The following ADK variants were observed in gnomAD, a reference collection of about 807,000 sequenced individuals.
ADK encodes adenosine kinase.
ADK carries 24 observed loss-of-function variants against 44.7 expected under a neutral mutation model. That is an observed-to-expected ratio of 0.54 (90% CI 0.39 to 0.76). The LOEUF (loss-of-function observed/expected upper bound fraction) is 0.76. ADK is among the 30% of genes least tolerant of loss of function. ADK has a pLI of 0.00. For missense variants in ADK, 321 were observed against 425.1 expected, an observed-to-expected ratio of 0.76 and a Z score of 2.15; for synonymous variants, 128 against 142.6, an observed-to-expected ratio of 0.90 and a Z score of 0.73.
intron 1 of ADK, among the ~76,000 whole-genome samples, chr10:74,167,292 C>T (rs1842059767): frequency 6.6e-6 from 1 of 152,176 alleles, no homozygotes; most frequent in Admixed American, 6.5e-5. Flanking sequence ...CAGGCGTGAG[C>T]CACTGTGTCT....
chr10:74,559,127 G>C (rs1589247491), intron 7 of ADK, among the ~76,000 whole-genome samples: 1 of 152,230 alleles, frequency 6.6e-6, no homozygotes, highest in Non-Finnish European at 1.5e-5. Flanking sequence ...TTCCCTGGAA[G>C]CTGGTGTTGT....
chr10:74,422,409 G>A (rs1355488706), intron 6 of ADK, among the ~76,000 whole-genome samples: 1 of 152,176 alleles, frequency 6.6e-6, no homozygotes, highest in Non-Finnish European at 1.5e-5. Flanking sequence ...CCTGGATCAG[G>A]TCCAGAATAG....
chr10:74,455,667 G>A (rs181296897), intron 6 of ADK, among the ~76,000 whole-genome samples: 6 of 152,112 alleles, frequency 3.9e-5, no homozygotes, highest in East Asian at 1.9e-4. Context: ...GCGCCACCAC[G>A]CCCAGCTAAT....
chr10:74,544,370 G>A lies in ADK; in HGVS notation c.726+18944G>A, dbSNP rs532391969. Among the ~76,000 whole-genome samples the A allele has an allele frequency of 2.6e-5, 4 of 152,294 alleles. No individual in the cohort carries two copies. In the South Asian group the frequency reaches 8.3e-4, roughly 32 times the overall value. ...GCACTTTTAACAATCAGGAAATTCT[G>A]AGGGTTTTTGAAGCTCTGTGCTAGG... On this transcript the variant is annotated intron_variant, in intron 7 of 10. Transcript: ENST00000539909.
At chr10:74,702,834 T>G (rs987826713) in intron 10 of ADK, among the ~76,000 whole-genome samples, 19 of 152,066 alleles carry the variant, frequency 1.2e-4, no homozygotes, top group African/African-American at 4.6e-4. Context: ...CCTGACCTCA[T>G]GATCTGCCTG....
At chr10:74,461,076 TTAAAG>T (rs1445596828) in intron 6 of ADK, among the ~76,000 whole-genome samples, 1 of 152,172 alleles carries the variant, frequency 6.6e-6, no homozygotes, top group East Asian at 1.9e-4. Flanking sequence ...TCTTCTGTGA[TTAAAG>T]TAAGGAATAC....
chr10:74,491,815 G>A (rs10824192), intron 6 of ADK, among the ~76,000 whole-genome samples: 13,742 of 152,012 alleles, frequency 0.09, 768 homozygotes, highest in Middle Eastern at 0.16. Flanking sequence ...TTTCCCCCCC[G>A]ATAGAAACTA....
chr10:74,340,426 C>T (rs946012418), intron 4 of ADK, among the ~76,000 whole-genome samples: 7 of 151,956 alleles, frequency 4.6e-5, no homozygotes, highest in African/African-American at 1.7e-4. Flanking sequence ...TTGTCTAAAC[C>T]AGGTTTCAGG....
chr10:74,176,599 C>T, intron 1 of ADK: 2 of 1,381,712 alleles, frequency 1.4e-6, no homozygotes, highest in Non-Finnish European at 1.9e-6. Context: ...ATCTCGCTAG[C>T]CCGCGCGCCA....
chr10:74,680,950 TC>T, intron 10 of ADK, among the ~76,000 whole-genome samples: 1 of 152,234 alleles, frequency 6.6e-6, no homozygotes, highest in Non-Finnish European at 1.5e-5. Flanking sequence ...CTGATTTCTG[TC>T]ATCAAATGCT....
At chr10:74,429,777 CATCT>C (rs1844919589) in intron 6 of ADK, among the ~76,000 whole-genome samples, 2 of 152,154 alleles carry the variant, frequency 1.3e-5, no homozygotes, top group African/African-American at 4.8e-5. Context: ...AAAGCAAATT[CATCT>C]ATCAGGAGCT....
intron 6 of ADK, among the ~76,000 whole-genome samples, chr10:74,413,144 C>T (rs1844246628): frequency 6.6e-6 from 1 of 151,788 alleles, no homozygotes; most frequent in Admixed American, 6.6e-5. Context: ...ACAGGCAGAG[C>T]AGATTTAACA....
intron 3 of ADK, among the ~76,000 whole-genome samples, chr10:74,234,771 T>C (rs567116809): frequency 6.6e-6 from 1 of 152,292 alleles, no homozygotes; most frequent in African/African-American, 2.4e-5. Context: ...GCTCCCTCTG[T>C]AGAACTTCAA....
chr10:74,492,400 G>A (rs1004946662), intron 6 of ADK, among the ~76,000 whole-genome samples: 2 of 151,960 alleles, frequency 1.3e-5, no homozygotes, highest in Non-Finnish European at 2.9e-5. Flanking sequence ...CCAAGAGTTC[G>A]AGTCTGACCT....
At chr10:74,494,120 A>G (rs1847594560) in intron 6 of ADK, among the ~76,000 whole-genome samples, 1 of 152,176 alleles carries the variant, frequency 6.6e-6, no homozygotes, top group Non-Finnish European at 1.5e-5. Context: ...TTTTAAAATA[A>G]TATATGTACA....
intron 3 of ADK, among the ~76,000 whole-genome samples, chr10:74,267,188 C>G (rs1166863359): frequency 6.6e-6 from 1 of 152,172 alleles, no homozygotes; most frequent in Non-Finnish European, 1.5e-5. Context: ...GAACTGCATG[C>G]ACCTACTTAT....
At chr10:74,682,125 C>T (rs571139105) in intron 10 of ADK, among the ~76,000 whole-genome samples, 63 of 152,204 alleles carry the variant, frequency 4.1e-4, no homozygotes, top group South Asian at 1.7e-3. Context: ...ACTTTTAAAG[C>T]AGTGTTTTGA....
At chr10:74,440,317 T>TAAATA (rs1200884246) in intron 6 of ADK, among the ~76,000 whole-genome samples, 1 of 152,144 alleles carries the variant, frequency 6.6e-6, no homozygotes, top group African/African-American at 2.4e-5. Flanking sequence ...TTAGAGAGGT[T>TAAATA]AAATAATTGG....
At chr10:74,606,041 T>A (rs1172990425) in intron 9 of ADK, among the ~76,000 whole-genome samples, 1 of 152,238 alleles carries the variant, frequency 6.6e-6, no homozygotes, top group Non-Finnish European at 1.5e-5. Flanking sequence ...GAGATGTTTA[T>A]AATATCCACT....
Sources: gnomAD v4.1 joint callset for allele counts (sites outside exome capture counted in the v4.1 genomes callset) on GRCh38, gnomAD v4.1.1 for gene constraint, MANE v1.5 for transcripts, NCBI Gene and HGNC (gene_info 2026-07-23, HGNC 2026-07-21) for gene names.